TMEM132B: variants seen among roughly 807,000 people sequenced by gnomAD.
The protein encoded by TMEM132B is transmembrane protein 132B.
In TMEM132B, 18 loss-of-function variants were observed where a neutral mutation model predicts 90.8. The observed-to-expected ratio is 0.20, with a 90% CI of 0.14 to 0.29. The LOEUF (loss-of-function observed/expected upper bound fraction) is 0.29. TMEM132B is among the 10% of genes least tolerant of loss of function. TMEM132B has a pLI of 1.00. For synonymous variants in TMEM132B, 504 were observed against 523.3 expected, an observed-to-expected ratio of 0.96 and a Z score of 0.50; for missense variants, 1,096 against 1,326.8, an observed-to-expected ratio of 0.83 and a Z score of 2.70.
intron 1 of TMEM132B, among the ~76,000 whole-genome samples, chr12:125,187,110 G>T (rs1218819540): frequency 1.3e-5 from 2 of 152,158 alleles, no homozygotes; most frequent in Non-Finnish European, 2.9e-5. Flanking sequence ...ACGCACGGGG[G>T]CCACAGACCG....
chr12:125,589,431 A>G (rs935710205), intron 5 of TMEM132B, among the ~76,000 whole-genome samples: 46 of 135,082 alleles, frequency 3.4e-4, no homozygotes, highest in Admixed American at 6.9e-4. Context: ...GCAGTGAGCC[A>G]AGATTGCGCC....
chr12:125,296,803 G>C (rs75966914), intron 1 of TMEM132B, among the ~76,000 whole-genome samples: 2 of 152,214 alleles, frequency 1.3e-5, no homozygotes, highest in Non-Finnish European at 2.9e-5. Context: ...GGACCAGGCT[G>C]TCTGGGCAGG....
At chr12:125,484,941 G>T (rs1882162675) in intron 3 of TMEM132B, among the ~76,000 whole-genome samples, 2 of 151,972 alleles carry the variant, frequency 1.3e-5, no homozygotes, top group Admixed American at 6.6e-5. Context: ...TCTTAAACTG[G>T]TAGGCTGGTG....
intron 4 of TMEM132B, among the ~76,000 whole-genome samples, chr12:125,554,556 T>C (rs954273894): frequency 2.0e-5 from 3 of 152,048 alleles, no homozygotes; most frequent in Non-Finnish European, 2.9e-5. Flanking sequence ...CATGCTCTTT[T>C]ATAATGTTCA....
intron 1 of TMEM132B, among the ~76,000 whole-genome samples, chr12:125,339,422 TG>T (rs1022765004): frequency 5.9e-5 from 9 of 151,864 alleles, no homozygotes; most frequent in African/African-American, 1.9e-4. Flanking sequence ...CCAATTGAAC[TG>T]GGGGCTCTTG....
chr12:125,487,310 T>G (rs1882228381), intron 3 of TMEM132B, among the ~76,000 whole-genome samples: 1 of 152,110 alleles, frequency 6.6e-6, no homozygotes. Context: ...ACTAAGAAAT[T>G]TACTAGGATA....
rs995812115 is a variant in TMEM132B, at chr12:125,415,747, A to G, written c.1106+70A>G. ...GGAGTGGCTGCCAGAGCTGATAGCA[A>G]AATAATGTGCGTGTGGATAAAGCGA... On this transcript the variant is annotated intron_variant, in intron 3 of 8. Transcript: ENST00000682704. The surrounding 1 kb of genome is among the most constrained non-coding windows in gnomAD (Gnocchi z 5.3). 8.3e-6 allele frequency: 13 copies of G among 1,569,514 alleles called. No homozygotes were observed. The highest frequency in any genetic ancestry group is 1.1e-5 in the Non-Finnish European group (13 of 1,157,454).
chr12:125,592,502 G>C (rs546557332), intron 5 of TMEM132B, among the ~76,000 whole-genome samples: 37 of 152,150 alleles, frequency 2.4e-4, no homozygotes, highest in Non-Finnish European at 4.9e-4. Context: ...TTCCAAACTT[G>C]GTCTGTGAGG....
Position 125,432,179 on chromosome 12 carries a change from G to A in TMEM132B, c.1106+16502G>A, listed in dbSNP as rs1185982568. 4.0e-5 allele frequency among the ~76,000 whole-genome samples: 6 copies of A among 151,508 alleles called. No homozygotes were observed. The South Asian group carries it at 6.3e-4, about 16-fold the overall frequency. On this transcript the variant is annotated intron_variant, in intron 3 of 8. Coordinates refer to ENST00000682704, the MANE Select transcript of TMEM132B (RefSeq NM_001366854.1). ...TAAGCAAAAGCAAGGTTGGGCAGAC[G>A]CCATGGTCAGCCAGGTCTGCATGGT...
chr12:125,281,256 C>A (rs1278708463), intron 1 of TMEM132B, among the ~76,000 whole-genome samples: 1 of 151,924 alleles, frequency 6.6e-6, no homozygotes, highest in Non-Finnish European at 1.5e-5. Context: ...CAGGGAAGCC[C>A]GGGGACTGGG....
intron 1 of TMEM132B, among the ~76,000 whole-genome samples, chr12:125,191,890 C>G (rs571254853): frequency 1.3e-5 from 2 of 152,270 alleles, no homozygotes; most frequent in South Asian, 2.1e-4. Context: ...TTCTCCCTGG[C>G]TGTTCTCATT....
chr12:125,653,394 A>G (rs1160491074), intron 8 of TMEM132B, among the ~76,000 whole-genome samples, 171 bp from the exon 9 acceptor site: 1 of 152,242 alleles, frequency 6.6e-6, no homozygotes, highest in Non-Finnish European at 1.5e-5. Context: ...GCTACAGCAC[A>G]TTATTGATGC....
chr12:125,240,253 G>A (rs1346645269), intron 1 of TMEM132B, among the ~76,000 whole-genome samples: 1 of 152,162 alleles, frequency 6.6e-6, no homozygotes, highest in East Asian at 1.9e-4. Flanking sequence ...CTGTCACCCT[G>A]GGGTGAGGGA....
intron 3 of TMEM132B, among the ~76,000 whole-genome samples, chr12:125,441,307 C>T (rs1278725140): frequency 6.6e-6 from 1 of 152,146 alleles, no homozygotes; most frequent in Non-Finnish European, 1.5e-5. Context: ...TGAAAAAGCA[C>T]ATTTCTTTGT....
At chr12:125,500,030 G>A (rs1882657327) in intron 3 of TMEM132B, among the ~76,000 whole-genome samples, 1 of 152,070 alleles carries the variant, frequency 6.6e-6, no homozygotes, top group Admixed American at 6.6e-5. Context: ...AATAAATGCT[G>A]GTATATCCAG....
chr12:125,562,023 A>G (rs1203582584), intron 4 of TMEM132B, among the ~76,000 whole-genome samples: 2 of 152,210 alleles, frequency 1.3e-5, no homozygotes, highest in Non-Finnish European at 2.9e-5. Context: ...GAAGTGTTTC[A>G]TCTACATGGA....
At chr12:125,630,590 T>A (rs2136993900) in intron 5 of TMEM132B, among the ~76,000 whole-genome samples, 1 of 152,214 alleles carries the variant, frequency 6.6e-6, no homozygotes, top group East Asian at 1.9e-4. Context: ...AAAAACCAAT[T>A]TTAGAAAAAT....
chr12:125,468,417 T>C (rs573275440), intron 3 of TMEM132B, among the ~76,000 whole-genome samples: 6 of 152,336 alleles, frequency 3.9e-5, no homozygotes, highest in African/African-American at 1.4e-4. Context: ...TGACGTGTGG[T>C]AATGGTAAGG....
chr12:125,249,710 T>A (rs1874275926), intron 1 of TMEM132B, among the ~76,000 whole-genome samples: 1 of 152,202 alleles, frequency 6.6e-6, no homozygotes, highest in African/African-American at 2.4e-5. Context: ...ATTTGACAGT[T>A]GTCATCAAGC....
Sources: allele counts gnomAD v4.1 joint callset (sites outside exome capture counted in the v4.1 genomes callset), GRCh38; gene constraint gnomAD v4.1.1; non-coding constraint Gnocchi (gnomAD v3.1); transcripts MANE v1.5; gene names NCBI Gene and HGNC (gene_info 2026-07-23, HGNC 2026-07-21).